The following STRIP2 variants were observed in gnomAD, a reference collection of about 807,000 sequenced individuals.
STRIP2 encodes the protein striatin-interacting protein 2.
A neutral mutation model predicts 107.1 loss-of-function variants in STRIP2; 84 were observed. That is an observed-to-expected ratio of 0.78 (90% CI 0.66 to 0.94). The LOEUF is 0.94. STRIP2 is among the 40% of genes least tolerant of loss of function. The pLI is 0.00. For missense variants in STRIP2, 888 were observed against 1,034.2 expected, an observed-to-expected ratio of 0.86 and a Z score of 1.94; for synonymous variants, 394 against 400.4, an observed-to-expected ratio of 0.98 and a Z score of 0.19.
At chr7:129,439,102 G>A (rs1210760948) in intron 1 of STRIP2, among the ~76,000 whole-genome samples, 1 of 152,128 alleles carries the variant, frequency 6.6e-6, no homozygotes. Context: ...TGTGGGGGTG[G>A]TGCTGAAAGT....
chr7:129,479,210 G>A (rs1458170714), intron 18 of STRIP2, among the ~76,000 whole-genome samples: 1 of 151,356 alleles, frequency 6.6e-6, no homozygotes, highest in African/African-American at 2.4e-5. Context: ...GGAGGCAGAG[G>A]TTGCAGTGAG....
chr7:129,453,363 G>T lies in STRIP2; in HGVS notation c.530+16G>T, dbSNP rs1308744762. 1 of 1,613,796 alleles carries T rather than the reference G, an allele frequency of 6.2e-7. No individual in the cohort carries two copies. Among genetic ancestry groups the T allele is most frequent in the Non-Finnish European group, 8.5e-7 (1 of 1,179,924 alleles). On this transcript the variant is annotated intron_variant, in intron 5 of 20. Transcript: ENST00000249344. ...TGGAAATTGAGTGAGAAGCCTTAGG[G>T]GAAGGGCTGGCCTACATAACCCCCA...
chr7:129,469,970 G>A (rs1798754151), intron 17 of STRIP2, among the ~76,000 whole-genome samples: 1 of 152,220 alleles, frequency 6.6e-6, no homozygotes, highest in East Asian at 1.9e-4. Flanking sequence ...GAAGAGGAAA[G>A]AGACAGCTGT....
intron 4 of STRIP2, among the ~76,000 whole-genome samples, chr7:129,452,776 A>G (rs532052209): frequency 1.3e-5 from 2 of 152,232 alleles, no homozygotes; most frequent in South Asian, 2.1e-4. Flanking sequence ...CCCTCATCCA[A>G]TGACTAACAG....
In STRIP2 at chr7:129,483,328, T is replaced by C; in HGVS notation, c.2254+282T>C. The C allele has an allele frequency of 8.7e-7, 1 of 1,145,498 alleles. No individual in the cohort carries two copies. The highest frequency in any genetic ancestry group is 1.1e-6 in the Non-Finnish European group (1 of 921,870). The allele number at this position is 1,145,498 out of a possible 1,614,324, so 71.0% of individuals were successfully genotyped here. On this transcript the variant is annotated intron_variant, in intron 20 of 20. Coordinates refer to ENST00000249344, the MANE Select transcript of STRIP2 (RefSeq NM_020704.3). This position sits in a 1 kb window ranked among gnomAD's most constrained non-coding sequence, Gnocchi z 5.1. ...AACATTCTTTTAAATGACAGCTTTC[T>C]CCAAAAGATTTAAATTAAAACAACT...
rs1031407303 is a variant in STRIP2, at chr7:129,440,080, C to T, written c.188C>T (p.Ala63Val). 9 of 1,613,906 alleles carry T rather than the reference C, an allele frequency of 5.6e-6. No individual in the cohort carries two copies. In the Admixed American group the frequency reaches 1.0e-4, roughly 18 times the overall value. ...FEYGDADGHA[A>V]ELSELYSYTE... ...TATGGAGATGCAGATGGGCATGCAG[C>T]CGAGTTGTCAGGTATGAGGTAGATG... Residue 63 changes from alanine (A) to valine (V), a missense_variant, in exon 2 of 21, where the codon GCC becomes GTC. Coordinates refer to ENST00000249344, the MANE Select transcript of STRIP2 (RefSeq NM_020704.3).
In STRIP2 at chr7:129,472,775, C is replaced by CTTTTTTTTTTTTTTTTTTTTTTTTTTTTT. The variant is rs1491462474; in HGVS notation, c.1944+2060_1944+2061insTTTTTTTTTTTTTTTTTTTTTTTTTTTTT. Reference sequence around the variant, plus strand: ...AATATATAGAATTTTCTTTTCTTTTCCTTTTTTTTTTTTTTTTTTTTTTTT... The same window carrying CTTTTTTTTTTTTTTTTTTTTTTTTTTTTT: ...AATATATAGAATTTTCTTTTCTTTTCTTTTTTTTTTTTTTTTTTTTTTTTTTTTTCTTTTTTTTTTTTTTTTTTTTTTTT... On this transcript the variant is annotated intron_variant, in intron 18 of 20. Coordinates refer to ENST00000249344, the MANE Select transcript of STRIP2 (RefSeq NM_020704.3). Among the ~76,000 whole-genome samples, 14 of 68,904 alleles carry CTTTTTTTTTTTTTTTTTTTTTTTTTTTTT rather than the reference C, an allele frequency of 2.0e-4. 6 individuals carry two copies. The highest frequency in any genetic ancestry group is 4.6e-4 in the Admixed American group (2 of 4,320). The allele number at this position is 68,904 out of a possible 152,430, so 45.2% of individuals were successfully genotyped here.
chr7:129,480,042 T>C (rs1443022207), intron 18 of STRIP2, among the ~76,000 whole-genome samples: 1 of 152,192 alleles, frequency 6.6e-6, no homozygotes, highest in African/African-American at 2.4e-5. Context: ...TCCAAGATGT[T>C]AGTTTGGCTG....
Position 129,458,430 on chromosome 7 carries a change from G to T in STRIP2, c.1254G>T (p.Leu418=). The change falls in exon 10 of 21, where the codon CTG becomes CTT. Residue 418 remains leucine (L), a synonymous_variant. Transcript: ENST00000249344. The surrounding 1 kb of genome is among the most constrained non-coding windows in gnomAD (Gnocchi z 4.6). Reference sequence around the variant, plus strand: ...AGCGGGTGGCTTTTCCCAAGGGCCTGCCCTGGGCCCCAAAGGTCAGGTAGG... The same window carrying T: ...AGCGGGTGGCTTTTCCCAAGGGCCTTCCCTGGGCCCCAAAGGTCAGGTAGG... ...SAERVAFPKG[L]PWAPKVRQKD... 1 of 1,601,054 alleles carries T rather than the reference G, an allele frequency of 6.2e-7. No individual in the cohort carries two copies. The highest frequency in any genetic ancestry group is 8.5e-7 in the Non-Finnish European group (1 of 1,174,126).
rs1491462474 is a variant in STRIP2, at chr7:129,472,775, C to CTTTTTTTTTTTTTTTTTTT, written c.1944+2060_1944+2061insTTTTTTTTTTTTTTTTTTT. 1.6e-4 allele frequency among the ~76,000 whole-genome samples: 11 copies of CTTTTTTTTTTTTTTTTTTT among 68,890 alleles called. 5 individuals carry two copies. Among genetic ancestry groups the CTTTTTTTTTTTTTTTTTTT allele is most frequent in the Non-Finnish European group, 1.8e-4 (7 of 39,306 alleles). The allele number at this position is 68,890 out of a possible 152,430, so 45.2% of individuals were successfully genotyped here. On this transcript the variant is annotated intron_variant, in intron 18 of 20. Transcript: ENST00000249344. ...AATATATAGAATTTTCTTTTCTTTTCCTTTTTTTTTTTTTTTTTTTTTTTT... is the reference window on the plus strand; with the variant it reads ...AATATATAGAATTTTCTTTTCTTTTCTTTTTTTTTTTTTTTTTTTCTTTTTTTTTTTTTTTTTTTTTTTT...
At position 129,461,626 on chromosome 7, in the gene STRIP2, G is replaced by T. The variant is rs1167884612; in HGVS notation, c.1476+1254G>T. On this transcript the variant is annotated intron_variant, in intron 13 of 20. Coordinates refer to ENST00000249344, the MANE Select transcript of STRIP2 (RefSeq NM_020704.3). The surrounding 1 kb of genome is among the most constrained non-coding windows in gnomAD (Gnocchi z 4.0). ...CTACTAATAAGTGGCATTATGGTAA[G>T]AACCAAGGTGCCCATTGGATTTGGC... Among the ~76,000 whole-genome samples the T allele has an allele frequency of 6.6e-6, 1 of 152,226 alleles. No individual in the cohort carries two copies. The highest frequency in any genetic ancestry group is 1.5e-5 in the Non-Finnish European group (1 of 68,052).
intron 2 of STRIP2, among the ~76,000 whole-genome samples, chr7:129,442,415 T>C (rs899607127): frequency 2.0e-5 from 3 of 152,280 alleles, no homozygotes; most frequent in Middle Eastern, 3.4e-3. Flanking sequence ...CCAATTTCAT[T>C]ATAGCAGTTG....
At chr7:129,481,227 C>T (rs971049049) in intron 19 of STRIP2, among the ~76,000 whole-genome samples, 7 of 152,080 alleles carry the variant, frequency 4.6e-5, no homozygotes, top group Non-Finnish European at 7.4e-5. Flanking sequence ...GTCTGGGCTC[C>T]GTAGCTCATG....
Position 129,485,694 on chromosome 7 carries a change from G to T in STRIP2, c.2370G>T (p.Val790=). The T allele has an allele frequency of 6.2e-7, 1 of 1,614,070 alleles. No homozygotes were observed. Among genetic ancestry groups the T allele is most frequent in the Non-Finnish European group, 8.5e-7 (1 of 1,180,024 alleles). ...CCCAGGACTCTGAGTTTTCACCTGT[G>T]GATAACTGCTTGCAGAGCGTACTGG... ...DRPQDSEFSP[V]DNCLQSVLGQ... Residue 790 remains valine, a synonymous_variant, in exon 21 of 21, where the codon GTG becomes GTT. Transcript: ENST00000249344.
At position 129,467,345 on chromosome 7, in the gene STRIP2, T is replaced by C; in HGVS notation, c.1777-5T>C. The C allele has an allele frequency of 6.2e-7, 1 of 1,609,548 alleles. No individual in the cohort carries two copies. The highest frequency in any genetic ancestry group is 8.5e-7 in the Non-Finnish European group (1 of 1,176,358). On this transcript the variant is annotated splice_polypyrimidine_tract_variant and splice_region_variant and intron_variant, in intron 16 of 20. Transcript: ENST00000249344. ...CAGCCCTTTCTGCTTTGATTTTTAA[T>C]TCAGTTTGAATATGTATCGCAACAT...
At chr7:129,448,169 G>A (rs1220432453) in intron 3 of STRIP2, among the ~76,000 whole-genome samples, 2 of 152,022 alleles carry the variant, frequency 1.3e-5, no homozygotes, top group Non-Finnish European at 2.9e-5. Flanking sequence ...GAGTCTGGGG[G>A]CCCACTGTAA....
At chr7:129,437,925 C>G (rs1230598732) in intron 1 of STRIP2, among the ~76,000 whole-genome samples, 1 of 151,914 alleles carries the variant, frequency 6.6e-6, no homozygotes, top group Non-Finnish European at 1.5e-5. Flanking sequence ...CCTGCCTCAG[C>G]CTCCCGAGTA....
chr7:129,482,576 T>A (rs1409463415), intron 19 of STRIP2, among the ~76,000 whole-genome samples: 1 of 151,678 alleles, frequency 6.6e-6, no homozygotes, highest in Non-Finnish European at 1.5e-5. Flanking sequence ...TGGGGTTTCA[T>A]CATGTTGGCC....
chr7:129,454,434 G>C lies in STRIP2; in HGVS notation c.613G>C (p.Val205Leu), dbSNP rs964619581. The C allele has an allele frequency of 6.2e-7, 1 of 1,613,858 alleles. No individual in the cohort carries two copies. Among genetic ancestry groups the C allele is most frequent in the Middle Eastern group, 1.7e-4 (1 of 6,056 alleles). Residue 205 changes from valine to leucine, a missense_variant, in exon 7 of 21, where the codon GTT becomes CTT. Val to Leu is a conservative substitution (Grantham distance 32). Coordinates refer to ENST00000249344, the MANE Select transcript of STRIP2 (RefSeq NM_020704.3). ...DSTELRVLLS[V>L]MYLMVENIRL... ...CTGTAACCCCAGGGTGCTGCTGAGT[G>C]TTATGTACCTAATGGTGGAAAATAT...
Sources: gnomAD v4.1 joint callset for allele counts (sites outside exome capture counted in the v4.1 genomes callset) on GRCh38, gnomAD v4.1.1 for gene constraint, Gnocchi (gnomAD v3.1) non-coding constraint, MANE v1.5 for transcripts, NCBI Gene and HGNC (gene_info 2026-07-23, HGNC 2026-07-21) for gene names.